Variants in DNAJC13 observed in about 807,000 individuals in gnomAD.
DNAJC13 encodes the protein dnaJ homolog subfamily C member 13.
A neutral mutation model predicts 290.5 loss-of-function variants in DNAJC13; 75 were observed. That is an observed-to-expected ratio of 0.26 (90% confidence interval 0.21 to 0.31). DNAJC13 has a LOEUF of 0.31. Ranked by LOEUF, DNAJC13 falls within the 10% of genes least tolerant of loss-of-function variation. The pLI is 1.00. For synonymous variants in DNAJC13, 862 were observed against 892.0 expected (o/e 0.97, Z 0.60); for missense variants, 2,260 against 2,674.5 (o/e 0.85, Z 3.42).
intron 20 of DNAJC13, among the ~76,000 whole-genome samples, chr3:132,468,527 G>A (rs1327665825): frequency 6.6e-6 from 1 of 152,128 alleles, no homozygotes; most frequent in Non-Finnish European, 1.5e-5. Context: ...GCTTTCAAGT[G>A]ACTATGTAGT....
At chr3:132,474,840 T>G (rs559559738) in intron 21 of DNAJC13, 92 bp from the exon 22 acceptor site, 98 of 177,456 alleles carry the variant, frequency 5.5e-4, no homozygotes, top group South Asian at 3.3e-3. Context: ...TTTTTTTTTT[T>G]TTTTGCTTAT....
At chr3:132,497,248 C>G (rs1935261651) in intron 36 of DNAJC13, among the ~76,000 whole-genome samples, 1 of 152,156 alleles carries the variant, frequency 6.6e-6, no homozygotes, top group Non-Finnish European at 1.5e-5. Context: ...TTTGTGGGGC[C>G]ATTTGCAGTA....
At chr3:132,447,728 A>G (rs984638269) in intron 4 of DNAJC13, among the ~76,000 whole-genome samples, 170 bp from the exon 5 acceptor site, 7 of 152,144 alleles carry the variant, frequency 4.6e-5, no homozygotes, top group African/African-American at 9.7e-5. Context: ...TTGTTCTTCA[A>G]TAAGGTTTCA....
intron 52 of DNAJC13, 31 bp from the exon 53 acceptor site, chr3:132,526,110 C>G (rs771878614): frequency 3.1e-6 from 5 of 1,611,906 alleles, no homozygotes; most frequent in Non-Finnish European, 4.2e-6. Flanking sequence ...TATTGCCAGT[C>G]TACAAGTAAC....
chr3:132,419,465 G>A (rs1333109273), intron 1 of DNAJC13, among the ~76,000 whole-genome samples: 1 of 152,182 alleles, frequency 6.6e-6, no homozygotes, highest in Non-Finnish European at 1.5e-5. Context: ...AATAGAAGAT[G>A]GTTGCCTTGC....
chr3:132,534,658 G>C (rs1468864200), intron 55 of DNAJC13, among the ~76,000 whole-genome samples: 1 of 152,064 alleles, frequency 6.6e-6, no homozygotes, highest in Non-Finnish European at 1.5e-5. Context: ...AAAAAATTAA[G>C]TTACATTAAA....
intron 28 of DNAJC13, 115 bp from the exon 29 acceptor site, chr3:132,484,473 C>A: frequency 1.1e-6 from 1 of 881,648 alleles, no homozygotes; most frequent in South Asian, 1.4e-5. Flanking sequence ...AGAGCTTAGT[C>A]TTCATTAACA....
At chr3:132,427,133 ATTT>A (rs35154589) in intron 1 of DNAJC13, among the ~76,000 whole-genome samples, 1 of 122,178 alleles carries the variant, frequency 8.2e-6, no homozygotes, top group Admixed American at 8.2e-5. Context: ...ATATATATAT[ATTT>A]TTTTTTTTTT....
In DNAJC13 at chr3:132,454,154, A is replaced by G; in HGVS notation, c.929A>G (p.Glu310Gly). ...KGQVRKYSST[E>G]RDSLLASLLD... ...CAAGTACGGAAATATTCTTCAACAG[A>G]GAGGTATTTTTTTTTTTTTAAGTTT... is the stretch of plus-strand genomic sequence containing the variant. Residue 310 changes from glutamate (E) to glycine (G), a missense_variant, in exon 9 of 56, where the codon GAG becomes GGG. Glu to Gly is a moderately conservative substitution (Grantham distance 98). Transcript: ENST00000260818. 1 of 1,585,978 alleles carries G rather than the reference A, an allele frequency of 6.3e-7. No individual in the cohort carries two copies. The highest frequency in any genetic ancestry group is 8.6e-7 in the Non-Finnish European group (1 of 1,169,456).
At chr3:132,472,541 T>C (rs931219715) in intron 20 of DNAJC13, 19 of 985,150 alleles carry the variant, frequency 1.9e-5, no homozygotes, top group Non-Finnish European at 2.3e-5. Flanking sequence ...TTTTTCCTTT[T>C]TACGATTAAA....
chr3:132,424,129 A>G (rs1034387659), intron 1 of DNAJC13, among the ~76,000 whole-genome samples: 1 of 152,202 alleles, frequency 6.6e-6, no homozygotes, highest in African/African-American at 2.4e-5. Context: ...GTAAATGATC[A>G]ATAGCAATGA....
chr3:132,478,164 T>A (rs1183294518), intron 24 of DNAJC13, 24 bp downstream of exon 24: 1 of 1,570,118 alleles, frequency 6.4e-7, no homozygotes, highest in East Asian at 2.2e-5. Context: ...TTAAGGAAAT[T>A]ACTATTTGAT....
At chr3:132,529,143 A>G (rs953630929) in intron 54 of DNAJC13, among the ~76,000 whole-genome samples, 12 of 152,108 alleles carry the variant, frequency 7.9e-5, no homozygotes, top group African/African-American at 1.7e-4. Flanking sequence ...GCACCCACCA[A>G]TCTGTTTTCT....
Position 132,494,259 on chromosome 3 carries a change from C to T in DNAJC13, c.3941C>T (p.Pro1314Leu). ...CTTAATCTGCCTCAAGGACAGGGAC[C>T]GTGAGTTGTTTTCAGTACAATAGCA... is the stretch of plus-strand genomic sequence containing the variant. ...EVLNLPQGQGPHDESKIRKAY... is the reference protein window; with the variant it reads ...EVLNLPQGQGLHDESKIRKAY... The change falls in exon 34 of 56, where the codon CCG (proline) becomes CTG (leucine). Residue 1314 changes from proline to leucine, a missense_variant and splice_region_variant. Transcript: ENST00000260818. 2 of 1,609,104 alleles carry T rather than the reference C, an allele frequency of 1.2e-6. No individual in the cohort carries two copies. The highest frequency in any genetic ancestry group is 1.7e-6 in the Non-Finnish European group (2 of 1,176,134).
chr3:132,484,772 C>T, intron 29 of DNAJC13, 100 bp downstream of exon 29: 1 of 1,172,974 alleles, frequency 8.5e-7, no homozygotes, highest in East Asian at 2.4e-5. Context: ...ATTCCATTTT[C>T]AAAAAGCCTA....
intron 41 of DNAJC13, among the ~76,000 whole-genome samples, chr3:132,503,871 T>C (rs1935500498): frequency 6.6e-6 from 1 of 152,188 alleles, no homozygotes; most frequent in Admixed American, 6.5e-5. Flanking sequence ...TCCCAACCTC[T>C]TTAACTTCTT....
chr3:132,526,362 G>A, intron 53 of DNAJC13, 81 bp downstream of exon 53: 2 of 1,558,244 alleles, frequency 1.3e-6, no homozygotes. Context: ...TACTGATTTG[G>A]TTTCCTTGAC....
Position 132,456,553 on chromosome 3 carries a change from T to C in DNAJC13, c.1152T>C (p.Ser384=), listed in dbSNP as rs1933604753. ...GGTTCAATGCTAATATTTCATACAG[T>C]GGAGTCCTACATGCAGTAACACAAG... The part of the protein sequence containing the change: ...VFRFNANISY[S]GVLHAVTQDG... The change falls in exon 11 of 56, where the codon AGT becomes AGC. Residue 384 remains serine, a synonymous_variant. Transcript: ENST00000260818. 6.2e-7 allele frequency: 1 copy of C among 1,614,024 alleles called. No individual in the cohort carries two copies. Among genetic ancestry groups the C allele is most frequent in the East Asian group, 2.2e-5 (1 of 44,870 alleles).
chr3:132,471,557 C>T (rs1934259178), intron 20 of DNAJC13, among the ~76,000 whole-genome samples: 2 of 140,816 alleles, frequency 1.4e-5, no homozygotes, highest in South Asian at 2.4e-4. Context: ...ACGCTCCTCA[C>T]CTCCCAGATG....
Sources: allele counts gnomAD v4.1 joint callset (sites outside exome capture counted in the v4.1 genomes callset), GRCh38; gene constraint gnomAD v4.1.1; transcripts MANE v1.5; gene names NCBI Gene and HGNC (gene_info 2026-07-23, HGNC 2026-07-21).